FCER2: variants seen among roughly 807,000 people sequenced by gnomAD.
FCER2 encodes the protein low affinity immunoglobulin epsilon Fc receptor.
A neutral mutation model predicts 49.7 loss-of-function variants in FCER2; 38 were observed. That is an observed-to-expected ratio of 0.76 (90% confidence interval 0.59 to 1.00). FCER2 has a LOEUF of 1.00. Ranked by LOEUF, FCER2 falls within the 50% of genes least tolerant of loss-of-function variation. The pLI is 0.00. For missense variants in FCER2, 425 were observed against 419.5 expected (o/e 1.01, Z -0.11); for synonymous variants, 163 against 164.6 (o/e 0.99, Z 0.07).
chr19:7,697,636 G>A (rs759951212), intron 4 of FCER2, 47 bp from the exon 5 acceptor site: 14 of 1,535,046 alleles, frequency 9.1e-6, no homozygotes, highest in African/African-American at 1.4e-5. Flanking sequence ...TCAAAGGCAG[G>A]TCCTTGGACC....
At chr19:7,696,720 T>C (rs940084024) in intron 8 of FCER2, 105 bp downstream of exon 8, 1 of 801,164 alleles carries the variant, frequency 1.2e-6, no homozygotes, top group Admixed American at 2.3e-5. Flanking sequence ...CACAAACGTA[T>C]AGACATGCTG....
At chr19:7,690,859 A>G (rs2277990) in intron 8 of FCER2, among the ~76,000 whole-genome samples, 53,115 of 151,940 alleles carry the variant, frequency 0.35, 10,410 homozygotes, top group African/African-American at 0.53. Flanking sequence ...CCTCATGGCC[A>G]GAAGCACCAC....
At chr19:7,689,676 A>C (rs2032804821) in intron 10 of FCER2, among the ~76,000 whole-genome samples, 1 of 152,094 alleles carries the variant, frequency 6.6e-6, no homozygotes, top group Admixed American at 6.5e-5. Flanking sequence ...GCTGGAGTGC[A>C]GTGCGCGATC....
Position 7,689,415 on chromosome 19 carries a change from C to T in FCER2, c.744G>A (p.Gly248=). Residue 248 remains glycine, a synonymous_variant, in exon 11 of 11, where the codon GGG becomes GGA. Transcript: ENST00000597921. ...SHVDYSNWAP[G]EPTSRSQGED... is the part of the protein sequence containing the mutation. The stretch of plus-strand genomic sequence containing the variant: ...CGCCCTGGCTCCGGCTGGTGGGCTC[C>T]CCTGGAGCCCAGTTGCTGGAGCAAA... 1.3e-6 allele frequency: 2 copies of T among 1,588,808 alleles called. No individual in the cohort carries two copies. The highest frequency in any genetic ancestry group is 1.7e-6 in the Non-Finnish European group (2 of 1,167,346).
intron 10 of FCER2, among the ~76,000 whole-genome samples, 189 bp downstream of exon 10, chr19:7,689,970 A>G (rs917121836): frequency 6.6e-6 from 1 of 151,866 alleles, no homozygotes; most frequent in African/African-American, 2.4e-5. Flanking sequence ...CCCTTCCTCT[A>G]TATCCCCTCC....
intron 7 of FCER2, 28 bp from the exon 8 acceptor site, chr19:7,696,942 C>T (rs2146278307): frequency 2.6e-6 from 4 of 1,564,850 alleles, no homozygotes; most frequent in Non-Finnish European, 3.5e-6. Context: ...GGGCGGTGCT[C>T]AGAGACCAAC....
intron 8 of FCER2, among the ~76,000 whole-genome samples, chr19:7,691,226 A>T (rs1301898279): frequency 6.6e-6 from 1 of 152,008 alleles, no homozygotes; most frequent in Non-Finnish European, 1.5e-5. Flanking sequence ...ACAACACTTC[A>T]ACCACCAGCA....
rs758701728 is a variant in FCER2 at position 7,690,361 on chromosome 19, C to G, written c.621+45G>C. Reference sequence around the variant, plus strand: ...GGGTAGAGTGGGGTGGGGGTCCCCCCACCCTCGCCATGCTGCCCACCACCT... The same window carrying G: ...GGGTAGAGTGGGGTGGGGGTCCCCCGACCCTCGCCATGCTGCCCACCACCT... On this transcript the variant is annotated intron_variant, in intron 9 of 10. Transcript: ENST00000597921. 5 of 1,608,234 alleles carry G rather than the reference C, an allele frequency of 3.1e-6. No individual in the cohort carries two copies. In the Admixed American group the frequency reaches 6.7e-5, roughly 22 times the overall value.
At chr19:7,692,096 T>C (rs1285980830) in intron 8 of FCER2, among the ~76,000 whole-genome samples, 5 of 79,230 alleles carry the variant, frequency 6.3e-5, no homozygotes, top group African/African-American at 1.4e-4. Context: ...ACACATCAAC[T>C]ACCAACACCA....
intron 1 of FCER2, 102 bp downstream of exon 1, chr19:7,701,913 C>T (rs1331427959): frequency 7.1e-6 from 1 of 140,386 alleles, no homozygotes; most frequent in East Asian, 2.5e-4. Context: ...TGGTTGTGAC[C>T]TCCTGCTGGT....
rs72558012 is a variant in FCER2, at chr19:7,699,843, T to C, written c.-83A>G. Reference sequence around the variant, plus strand: ...CACTCAGCGGGCACAATCACAGCTCTGGCTGATTTGGGATTTAATGATGGT... The same window carrying C: ...CACTCAGCGGGCACAATCACAGCTCCGGCTGATTTGGGATTTAATGATGGT... On this transcript the variant is annotated splice_region_variant and 5_prime_UTR_variant, in exon 2 of 11. Transcript: ENST00000597921. 2.2e-5 allele frequency: 30 copies of C among 1,334,490 alleles called. No homozygotes were observed. In the African/African-American group the frequency reaches 4.0e-4, roughly 18 times the overall value. The allele number at this position is 1,334,490 out of a possible 1,614,324, so 82.7% of individuals were successfully genotyped here.
At chr19:7,696,964 C>T in intron 7 of FCER2, 49 bp downstream of exon 7, 1 of 1,559,416 alleles carries the variant, frequency 6.4e-7, no homozygotes, top group South Asian at 1.2e-5. Context: ...GGCAGGCCCC[C>T]TCCTTGTCCG....
chr19:7,700,126 C>T lies in FCER2; in HGVS notation c.-85-281G>A, dbSNP rs2033122046. The T allele has an allele frequency of 1.2e-5, 3 of 254,286 alleles. No individual in the cohort carries two copies. The South Asian group carries it at 2.1e-4, about 18-fold the overall frequency. The allele number at this position is 254,286 out of a possible 1,614,324, so 15.8% of individuals were successfully genotyped here. A position where few individuals can be genotyped will look rare whatever the true frequency, so the allele number is the denominator to read the frequency against. Reference sequence around the variant, plus strand: ...GCTTAATTAACCTGGAAACTTCTTTCCTCATTCGTAAAATGATGATACCAA... The same window carrying T: ...GCTTAATTAACCTGGAAACTTCTTTTCTCATTCGTAAAATGATGATACCAA... On this transcript the variant is annotated intron_variant, in intron 1 of 10. Transcript: ENST00000597921.
rs1466276772 is a variant in FCER2, at chr19:7,688,913, A to G, written c.*280T>C. 12 of 456,550 alleles carry G rather than the reference A, an allele frequency of 2.6e-5. No homozygotes were observed. Among genetic ancestry groups the G allele is most frequent in the Non-Finnish European group, 8.0e-6 (2 of 250,780 alleles). 28.3% of individuals were successfully genotyped at this position (456,550 alleles called of 1,614,324 possible). A position where few individuals can be genotyped will look rare whatever the true frequency, so the allele number is the denominator to read the frequency against. On this transcript the variant is annotated 3_prime_UTR_variant, in exon 11 of 11. Coordinates refer to ENST00000597921, the MANE Select transcript of FCER2 (RefSeq NM_001220500.2). Reference sequence around the variant, plus strand: ...GAGGGTGCTGTTGGGGTGTACTCTCATCTGGAGAGGGTGCTGTTGGGGTGT... The same window carrying G: ...GAGGGTGCTGTTGGGGTGTACTCTCGTCTGGAGAGGGTGCTGTTGGGGTGT...
chr19:7,693,923 A>G (rs2032948357), intron 8 of FCER2, among the ~76,000 whole-genome samples: 2 of 151,168 alleles, frequency 1.3e-5, no homozygotes, highest in Non-Finnish European at 2.9e-5. Context: ...TGCTGGGATT[A>G]CAGGCATGAG....
At chr19:7,701,277 G>A (rs887430441) in intron 1 of FCER2, among the ~76,000 whole-genome samples, 3 of 152,116 alleles carry the variant, frequency 2.0e-5, no homozygotes, top group Non-Finnish European at 2.9e-5. Context: ...TCTGATTAGC[G>A]GCAGCTCAAG....
chr19:7,698,713 G>GA, intron 3 of FCER2, 28 bp downstream of exon 3: 1 of 1,607,046 alleles, frequency 6.2e-7, no homozygotes, highest in Non-Finnish European at 8.5e-7. Flanking sequence ...GAGTTGGGGG[G>GA]ACCACATGGA....
rs1426145502 is a variant in FCER2, at chr19:7,699,807, ACAACGCAGTCCACTCAGCGG to A, written c.-67_-48del. On this transcript the variant is annotated 5_prime_UTR_variant, in exon 2 of 11. Transcript: ENST00000597921. ...CCGATGATGGAGCACTCACTCCCTGACAACGCAGTCCACTCAGCGGGCACAATCACAGCTCTGGCTGATTT... is the reference window on the plus strand; with the variant it reads ...CCGATGATGGAGCACTCACTCCCTGAGCACAATCACAGCTCTGGCTGATTT... The A allele has an allele frequency of 6.3e-7, 1 of 1,594,840 alleles. No homozygotes were observed. The highest frequency in any genetic ancestry group is 2.2e-5 in the East Asian group (1 of 44,800).
chr19:7,701,383 C>A (rs2033149263), intron 1 of FCER2, among the ~76,000 whole-genome samples: 1 of 152,146 alleles, frequency 6.6e-6, no homozygotes, highest in Non-Finnish European at 1.5e-5. Context: ...CGAGTCCTGG[C>A]TTCTTCCTGG....
Sources: gnomAD v4.1 joint callset for allele counts (sites outside exome capture counted in the v4.1 genomes callset) on GRCh38, gnomAD v4.1.1 for gene constraint, MANE v1.5 for transcripts, NCBI Gene and HGNC (gene_info 2026-07-23, HGNC 2026-07-21) for gene names.